Variants in EPB41L5 observed in about 807,000 individuals in gnomAD.
EPB41L5 encodes erythrocyte membrane protein band 4.1 like 5.
EPB41L5 carries 55 observed loss-of-function variants against 106.6 expected under a neutral mutation model. That is an observed-to-expected ratio of 0.52 (90% CI 0.42 to 0.65). The LOEUF (loss-of-function observed/expected upper bound fraction) is 0.65, where lower values mean the gene tolerates loss of function less well. EPB41L5 is among the 30% of genes least tolerant of loss of function. EPB41L5 has a pLI of 0.00. For missense variants in EPB41L5, 871 were observed against 882.1 expected, an observed-to-expected ratio of 0.99 and a Z score of 0.16; for synonymous variants, 297 against 306.7, an observed-to-expected ratio of 0.97 and a Z score of 0.33.
chr2:120,165,452 A>G (rs527609481), intron 22 of EPB41L5, among the ~76,000 whole-genome samples: 2 of 152,326 alleles, frequency 1.3e-5, no homozygotes, highest in African/African-American at 2.4e-5. Context: ...CTTACCTCTA[A>G]TATCTAATGC....
intron 20 of EPB41L5, among the ~76,000 whole-genome samples, chr2:120,147,540 G>C (rs1686461753): frequency 6.7e-6 from 1 of 149,308 alleles, no homozygotes; most frequent in African/African-American, 2.5e-5. Context: ...CAGGAGAATT[G>C]CTTGAACCCA....
intron 14 of EPB41L5, among the ~76,000 whole-genome samples, chr2:120,099,242 C>T (rs953138595): frequency 3.3e-5 from 5 of 151,754 alleles, no homozygotes; most frequent in Non-Finnish European, 7.4e-5. Flanking sequence ...TTTAGAATGT[C>T]TGACATTAGG....
intron 16 of EPB41L5, among the ~76,000 whole-genome samples, chr2:120,112,723 A>G (rs957261724): frequency 6.6e-6 from 1 of 152,216 alleles, no homozygotes; most frequent in African/African-American, 2.4e-5. Flanking sequence ...AGTAAAGAGT[A>G]TAGAATTTAT....
intron 21 of EPB41L5, 29 bp downstream of exon 21, chr2:120,161,003 T>C (rs1370766583): frequency 1.3e-6 from 2 of 1,571,074 alleles, no homozygotes; most frequent in Non-Finnish European, 1.8e-6. Context: ...CTTAAAATTT[T>C]TGCCAAAGAC....
chr2:120,044,583 G>GT (rs933323370), intron 3 of EPB41L5, among the ~76,000 whole-genome samples: 1 of 152,062 alleles, frequency 6.6e-6, no homozygotes, highest in African/African-American at 2.4e-5. Context: ...TTAGGTTTGA[G>GT]TTACTTAGTA....
intron 17 of EPB41L5, 102 bp downstream of exon 17, chr2:120,127,953 A>C: frequency 1.8e-6 from 2 of 1,099,456 alleles, no homozygotes; most frequent in South Asian, 4.3e-5. Context: ...TACTAGTTCA[A>C]CTTTTAAATT....
At position 120,019,310 on chromosome 2, in the gene EPB41L5, CTTTG is replaced by C. The variant is rs528657868; in HGVS notation, c.180+58_180+61del. ...TCCAAATTCTGTTTGCGATTACTGTCTTTGTTTGTTTGTTTAAAAGCTTTGTATT... is the reference window on the plus strand; with the variant it reads ...TCCAAATTCTGTTTGCGATTACTGTCTTTGTTTGTTTAAAAGCTTTGTATT... On this transcript the variant is annotated intron_variant, in intron 2 of 24. Coordinates refer to ENST00000263713, the MANE Select transcript of EPB41L5 (RefSeq NM_020909.4). The C allele has an allele frequency of 3.1e-5, 48 of 1,550,856 alleles. No homozygotes were observed. The African/African-American group carries it at 3.4e-4, about 11-fold the overall frequency.
At chr2:120,073,701 A>T (rs1682037356) in intron 4 of EPB41L5, among the ~76,000 whole-genome samples, 1 of 152,202 alleles carries the variant, frequency 6.6e-6, no homozygotes, top group East Asian at 1.9e-4. Context: ...TCTTGTCTCA[A>T]AATAATGAGA....
chr2:120,160,277 A>G (rs1004232107), intron 20 of EPB41L5, among the ~76,000 whole-genome samples: 1 of 152,134 alleles, frequency 6.6e-6, no homozygotes, highest in African/African-American at 2.4e-5. Context: ...TTAATATTCT[A>G]TATTTGTTGG....
intron 2 of EPB41L5, among the ~76,000 whole-genome samples, chr2:120,021,510 G>A (rs1157890649): frequency 1.4e-5 from 2 of 147,518 alleles, no homozygotes; most frequent in African/African-American, 2.5e-5. Context: ...GTGTGGTGGC[G>A]GACGCCTGTA....
At chr2:120,098,085 A>G (rs1301500256) in intron 14 of EPB41L5, among the ~76,000 whole-genome samples, 2 of 151,610 alleles carry the variant, frequency 1.3e-5, no homozygotes, top group Non-Finnish European at 2.9e-5. Context: ...TGGTTAGTAA[A>G]AAGAAATTGT....
intron 18 of EPB41L5, among the ~76,000 whole-genome samples, chr2:120,135,407 C>A (rs12465571): frequency 1.3e-5 from 2 of 151,860 alleles, no homozygotes; most frequent in African/African-American, 2.4e-5. Flanking sequence ...TGTCCCAAAC[C>A]TAGAGAAAGA....
chr2:120,123,998 T>G (rs748979753), intron 16 of EPB41L5, among the ~76,000 whole-genome samples: 1 of 152,098 alleles, frequency 6.6e-6, no homozygotes, highest in Non-Finnish European at 1.5e-5. Context: ...CTTATTCTTG[T>G]GGTGCTCACA....
At chr2:120,058,595 A>G (rs1487690064) in intron 3 of EPB41L5, among the ~76,000 whole-genome samples, 1 of 152,198 alleles carries the variant, frequency 6.6e-6, no homozygotes, top group African/African-American at 2.4e-5. Flanking sequence ...GATGTGGTGA[A>G]GTGGGAAGCA....
chr2:120,075,808 GT>G, intron 7 of EPB41L5, 55 bp downstream of exon 7: 2 of 1,370,260 alleles, frequency 1.5e-6, no homozygotes, highest in South Asian at 1.2e-5. Context: ...TTTTGTGTGT[GT>G]TTTTAGTTAA....
At chr2:120,019,540 T>A (rs1251956577) in intron 2 of EPB41L5, among the ~76,000 whole-genome samples, 1 of 152,212 alleles carries the variant, frequency 6.6e-6, no homozygotes, top group Non-Finnish European at 1.5e-5. Context: ...TGTGTCTTTC[T>A]ATGTGTTCTT....
intron 20 of EPB41L5, chr2:120,160,647 G>A (rs1219995174): frequency 1.5e-5 from 7 of 472,288 alleles, no homozygotes; most frequent in African/African-American, 7.8e-5. Context: ...CTTTCTATGG[G>A]TCCTCACCAG....
intron 18 of EPB41L5, among the ~76,000 whole-genome samples, chr2:120,142,023 A>T (rs542419238): frequency 2.0e-5 from 3 of 151,328 alleles, no homozygotes; most frequent in Non-Finnish European, 4.4e-5. Context: ...GTAACTTCCA[A>T]CTTTGAGATG....
At chr2:120,015,820 T>C (rs1354161876) in intron 1 of EPB41L5, among the ~76,000 whole-genome samples, 1 of 150,578 alleles carries the variant, frequency 6.6e-6, no homozygotes, top group Non-Finnish European at 1.5e-5. Flanking sequence ...TGGGATGGTA[T>C]GTGCCCGTAG....
Sources: gnomAD v4.1 joint callset for allele counts (sites outside exome capture counted in the v4.1 genomes callset) on GRCh38, gnomAD v4.1.1 for gene constraint, MANE v1.5 for transcripts, NCBI Gene and HGNC (gene_info 2026-07-23, HGNC 2026-07-21) for gene names.